ISM1: variants seen among roughly 807,000 people sequenced by gnomAD.
ISM1 encodes the protein isthmin-1.
In ISM1, 25 loss-of-function variants were observed where a neutral mutation model predicts 46.3. The ratio of observed to expected loss-of-function variants is 0.54; its 90% CI spans 0.39 to 0.75. ISM1 has a LOEUF of 0.75. Among genes scored for constraint, ISM1 ranks in the 30% least tolerant of loss-of-function variants. ISM1 has a pLI of 0.00. For missense variants in ISM1, 536 were observed against 625.4 expected (o/e 0.86, Z 1.52); for synonymous variants, 255 against 256.7 (o/e 0.99, Z 0.06).
chr20:13,288,155 A>T (rs928513009), intron 3 of ISM1, among the ~76,000 whole-genome samples: 10 of 152,156 alleles, frequency 6.6e-5, no homozygotes, highest in African/African-American at 2.4e-4. Context: ...GAGAAAATAG[A>T]TTCTCCTCTC....
chr20:13,278,138 A>G (rs756086275), intron 2 of ISM1, among the ~76,000 whole-genome samples: 26 of 152,162 alleles, frequency 1.7e-4, no homozygotes, highest in Non-Finnish European at 2.4e-4. Context: ...GTGTTGCAAG[A>G]GCTATGCGAT....
At chr20:13,237,480 A>T (rs1020949102) in intron 1 of ISM1, among the ~76,000 whole-genome samples, 1 of 152,218 alleles carries the variant, frequency 6.6e-6, no homozygotes, top group Non-Finnish European at 1.5e-5. Context: ...TACATGCTGG[A>T]TAATTCTGTT....
chr20:13,283,409 TAG>T (rs1240619197), intron 3 of ISM1, among the ~76,000 whole-genome samples: 1 of 152,040 alleles, frequency 6.6e-6, no homozygotes, highest in Non-Finnish European at 1.5e-5. Context: ...GTGGAGGAGG[TAG>T]ATCTCAGAGT....
chr20:13,267,909 C>G (rs777946089), intron 1 of ISM1, among the ~76,000 whole-genome samples: 1 of 152,090 alleles, frequency 6.6e-6, no homozygotes, highest in Non-Finnish European at 1.5e-5. Flanking sequence ...AATTCTGGGC[C>G]CCTTCCAAGA....
intron 1 of ISM1, chr20:13,237,980 G>C: frequency 6.6e-6 from 1 of 152,310 alleles, no homozygotes; most frequent in Admixed American, 6.5e-5. Context: ...TATGAAAAGA[G>C]TGACCAGCAA....
At chr20:13,264,990 C>T (rs1321465653) in intron 1 of ISM1, among the ~76,000 whole-genome samples, 2 of 152,138 alleles carry the variant, frequency 1.3e-5, no homozygotes, top group African/African-American at 2.4e-5. Flanking sequence ...CAAGTCACAG[C>T]GCAGTGTGAT....
the ISM1 span, among the ~76,000 whole-genome samples, chr20:13,317,519 T>C: frequency 6.6e-6 from 1 of 152,024 alleles, no homozygotes; most frequent in Admixed American, 6.5e-5. Context: ...GGTAAACGAC[T>C]CATACTACCT....
chr20:13,276,099 G>A (rs2040176436), intron 2 of ISM1, among the ~76,000 whole-genome samples: 1 of 152,252 alleles, frequency 6.6e-6, no homozygotes, highest in African/African-American at 2.4e-5. Context: ...CGAGGAAGAA[G>A]GGGTAGAATA....
chr20:13,266,671 C>A (rs373580636), intron 1 of ISM1, among the ~76,000 whole-genome samples: 1 of 152,172 alleles, frequency 6.6e-6, no homozygotes, highest in Non-Finnish European at 1.5e-5. Flanking sequence ...TTAACTGGGG[C>A]AGAATGAATT....
chr20:13,242,097 G>A (rs2039731580), intron 1 of ISM1, among the ~76,000 whole-genome samples: 4 of 152,300 alleles, frequency 2.6e-5, no homozygotes, highest in Non-Finnish European at 4.4e-5. Context: ...AATGGAAAGT[G>A]TCTTTATGTA....
chr20:13,288,531 G>A lies in ISM1; in HGVS notation c.644-9G>A. On this transcript the variant is annotated splice_polypyrimidine_tract_variant and intron_variant, in intron 3 of 5. Coordinates refer to ENST00000262487, the MANE Select transcript of ISM1 (RefSeq NM_080826.2). ...AAAGTTGATGACCATCTCCCTGGCT[G>A]TCTTCCAGATTCCACAGATGGCGAG... is the stretch of plus-strand genomic sequence containing the variant. The A allele has an allele frequency of 1.2e-6, 2 of 1,612,994 alleles. No individual in the cohort carries two copies. Among genetic ancestry groups the A allele is most frequent in the Non-Finnish European group, 1.7e-6 (2 of 1,179,168 alleles).
At chr20:13,249,131 A>G (rs1004615488) in intron 1 of ISM1, among the ~76,000 whole-genome samples, 2 of 152,192 alleles carry the variant, frequency 1.3e-5, no homozygotes, top group African/African-American at 4.8e-5. Flanking sequence ...ATGATTTTTG[A>G]AAAGATAAAT....
intron 1 of ISM1, among the ~76,000 whole-genome samples, chr20:13,229,314 G>C (rs975887832): frequency 1.3e-5 from 2 of 152,116 alleles, no homozygotes; most frequent in Non-Finnish European, 2.9e-5. Flanking sequence ...AAGTCTTCTA[G>C]TGCACAATTG....
chr20:13,314,494 G>GA, the ISM1 span, among the ~76,000 whole-genome samples: 4 of 150,990 alleles, frequency 2.6e-5, no homozygotes, highest in African/African-American at 9.7e-5. Flanking sequence ...TTGAGAGAGA[G>GA]AAAAAAAACC....
the ISM1 span, among the ~76,000 whole-genome samples, chr20:13,321,070 G>A: frequency 4.6e-5 from 7 of 151,714 alleles, no homozygotes; most frequent in Admixed American, 1.3e-4. Context: ...ATGGTGGTAC[G>A]TGCCTGTAAT....
At chr20:13,286,494 G>A (rs1027091715) in intron 3 of ISM1, among the ~76,000 whole-genome samples, 1 of 152,240 alleles carries the variant, frequency 6.6e-6, no homozygotes, top group Admixed American at 6.5e-5. Context: ...CATCTGCTTA[G>A]CTGAGTGGTT....
At position 13,279,647 on chromosome 20, in the gene ISM1, T is replaced by A; in HGVS notation, c.392T>A (p.Val131Glu). 3 of 1,613,542 alleles carry A rather than the reference T, an allele frequency of 1.9e-6. No individual in the cohort carries two copies. The highest frequency in any genetic ancestry group is 2.5e-6 in the Non-Finnish European group (3 of 1,179,728). Residue 131 changes from valine (V) to glutamate (E), a missense_variant, in exon 3 of 6, where the codon GTG (valine) becomes GAG (glutamate). Transcript: ENST00000262487. Reference sequence around the variant, plus strand: ...TGAATTCTTCAGGTCACCATAGAGGTGGTCGACGGTCCTGACTCTGAAGCA... The same window carrying A: ...TGAATTCTTCAGGTCACCATAGAGGAGGTCGACGGTCCTGACTCTGAAGCA... Reference protein sequence around the residue: ...QNPNIQVTIEVVDGPDSEADK... With the variant: ...QNPNIQVTIEEVDGPDSEADK...
At position 13,298,792 on chromosome 20, in the gene ISM1, T is replaced by C. The variant is rs561234856; in HGVS notation, c.878-150T>C. 1.2e-4 allele frequency: 84 copies of C among 709,742 alleles called. 5 individuals are homozygous for C. The South Asian group carries it at 1.5e-3, about 12-fold the overall frequency. 44.0% of individuals were successfully genotyped at this position (709,742 alleles called of 1,614,324 possible). On this transcript the variant is annotated intron_variant, in intron 5 of 5. Coordinates refer to ENST00000262487, the MANE Select transcript of ISM1 (RefSeq NM_080826.2). ...AGGGGGCTGCAGGGGTGTCTGGCTC[T>C]AGGACAGGAGTTGTTGACTTCAGGG...
At chr20:13,222,018 C>G in intron 1 of ISM1, 104 bp downstream of exon 1, 2 of 1,080,096 alleles carry the variant, frequency 1.9e-6, no homozygotes, top group Non-Finnish European at 1.2e-6. Flanking sequence ...GGTCCCCTGC[C>G]CCACCTAAGA....
Sources: gnomAD v4.1 joint callset for allele counts (sites outside exome capture counted in the v4.1 genomes callset) on GRCh38, gnomAD v4.1.1 for gene constraint, MANE v1.5 for transcripts, NCBI Gene and HGNC (gene_info 2026-07-23, HGNC 2026-07-21) for gene names.